Variants in PCDHGB3 observed in about 807,000 individuals in gnomAD.
The protein encoded by PCDHGB3 is protocadherin gamma subfamily B, 3.
Under a neutral mutation model 59.2 loss-of-function variants are expected in PCDHGB3, and 40 were observed. That is an observed-to-expected ratio of 0.68 (90% CI 0.52 to 0.88). PCDHGB3 has a LOEUF of 0.88. Ranked by LOEUF, PCDHGB3 falls within the 40% of genes least tolerant of loss-of-function variation. The pLI is 0.00. For synonymous variants in PCDHGB3, 581 were observed against 503.6 expected (o/e 1.15, Z -2.06); for missense variants, 1,309 against 1,187.9 (o/e 1.10, Z -1.50).
In PCDHGB3 at chr5:141,402,676, C is replaced by T. The variant is rs746643713; in HGVS notation, c.2415+29867C>T. 2.0e-5 allele frequency among the ~76,000 whole-genome samples: 3 copies of T among 152,282 alleles called. No homozygotes were observed. The East Asian group carries it at 5.8e-4, about 29-fold the overall frequency. ...GAGTAGTGTTTTCTTTATCAGCCAT[C>T]TGATATAATGTTACACATCAGTGGG... On this transcript the variant is annotated intron_variant, in intron 1 of 3. Transcript: ENST00000576222.
chr5:141,407,505 T>TTTTTTTTTTTTTTTTTGAGACGG (rs1460306566), intron 1 of PCDHGB3, among the ~76,000 whole-genome samples: 2 of 152,146 alleles, frequency 1.3e-5, no homozygotes, highest in African/African-American at 4.8e-5. Flanking sequence ...CTGTTTTTCT[T>TTTTTTTTTTTTTTTTTGAGACGG]AGGCTATGTA....
intron 1 of PCDHGB3, chr5:141,475,927 G>A: frequency 1.6e-6 from 1 of 628,480 alleles, no homozygotes; most frequent in South Asian, 2.1e-5. Flanking sequence ...CTGGAGATCG[G>A]GCCCCTGCCC....
chr5:141,503,713 C>T (rs867005984), intron 2 of PCDHGB3, among the ~76,000 whole-genome samples: 6 of 152,134 alleles, frequency 3.9e-5, no homozygotes, highest in Non-Finnish European at 8.8e-5. Context: ...TCCCCTTCAA[C>T]CCTAGCTTTA....
At chr5:141,423,067 G>C (rs757110751) in intron 1 of PCDHGB3, 36 of 1,614,024 alleles carry the variant, frequency 2.2e-5, no homozygotes, top group Non-Finnish European at 2.9e-5. Context: ...TAAGGCCAGC[G>C]AGCCGGGACT....
At chr5:141,396,944 G>A (rs983363091) in intron 1 of PCDHGB3, among the ~76,000 whole-genome samples, 1 of 152,166 alleles carries the variant, frequency 6.6e-6, no homozygotes, top group African/African-American at 2.4e-5. Context: ...GCCCTGGTAG[G>A]AAAGAAAATC....
chr5:141,492,072 C>G (rs2099736816), intron 1 of PCDHGB3: 2 of 480,040 alleles, frequency 4.2e-6, no homozygotes, highest in East Asian at 3.3e-5. Context: ...TCCTAGGCGC[C>G]GGCTCCGGCA....
intron 1 of PCDHGB3, chr5:141,419,210 G>A: frequency 6.2e-7 from 1 of 1,613,926 alleles, no homozygotes; most frequent in Non-Finnish European, 8.5e-7. Flanking sequence ...CAACGCGCCG[G>A]TTTTCGGACA....
intron 1 of PCDHGB3, among the ~76,000 whole-genome samples, chr5:141,462,218 C>T (rs2099034952): frequency 6.6e-6 from 1 of 152,180 alleles, no homozygotes; most frequent in African/African-American, 2.4e-5. Context: ...CCTCGGCCTC[C>T]CAAAGTGCAG....
At position 141,511,424 on chromosome 5, in the gene PCDHGB3, G is replaced by A. The variant is rs939906846; in HGVS notation, c.*251G>A. 10 of 810,392 alleles carry A rather than the reference G, an allele frequency of 1.2e-5. No homozygotes were observed. Among genetic ancestry groups the A allele is most frequent in the East Asian group, 3.0e-5 (1 of 33,800 alleles). The allele number at this position is 810,392 out of a possible 1,614,324, so 50.2% of individuals were successfully genotyped here. On this transcript the variant is annotated 3_prime_UTR_variant, in exon 4 of 4. Transcript: ENST00000576222. The stretch of plus-strand genomic sequence containing the variant: ...ATCAACTGCTGTACCCATGGGGGTA[G>A]TGGGGTTACTGTAGACACCAAGAAC...
intron 1 of PCDHGB3, among the ~76,000 whole-genome samples, chr5:141,462,086 A>G (rs993185274): frequency 6.6e-6 from 1 of 151,408 alleles, no homozygotes; most frequent in Non-Finnish European, 1.5e-5. Flanking sequence ...GCCTCCCAAA[A>G]TGCTGGGATT....
chr5:141,489,491 T>C lies in PCDHGB3; in HGVS notation c.2416-5316T>C. On this transcript the variant is annotated intron_variant, in intron 1 of 3. Transcript: ENST00000576222. This position sits in a 1 kb window ranked among gnomAD's most constrained non-coding sequence, Gnocchi z 4.5. ...TCCCTGAGCTTGATGAGTGGTGCCC[T>C]GGCAGTGAATCAAAAGATTGACCGA... The C allele has an allele frequency of 6.2e-7, 1 of 1,614,066 alleles. No individual in the cohort carries two copies. The highest frequency in any genetic ancestry group is 8.5e-7 in the Non-Finnish European group (1 of 1,180,024).
intron 1 of PCDHGB3, chr5:141,479,691 C>T (rs2099503603): frequency 6.6e-6 from 1 of 152,206 alleles, no homozygotes; most frequent in Non-Finnish European, 1.5e-5. Context: ...TTTGGTGCCT[C>T]CAGTGTTAGT....
intron 1 of PCDHGB3, among the ~76,000 whole-genome samples, chr5:141,381,853 G>A (rs1391897608): frequency 1.4e-5 from 1 of 72,944 alleles, no homozygotes; most frequent in Non-Finnish European, 2.5e-5. Flanking sequence ...TTTTTTGGCA[G>A]AGTTTTGCTC....
At chr5:141,410,413 T>C (rs1229133377) in intron 1 of PCDHGB3, 10 of 1,613,938 alleles carry the variant, frequency 6.2e-6, no homozygotes, top group Non-Finnish European at 8.5e-6. Context: ...AGTCTGGACC[T>C]GTAGTTCCCC....
At chr5:141,467,728 C>A (rs2099150053) in intron 1 of PCDHGB3, among the ~76,000 whole-genome samples, 1 of 152,058 alleles carries the variant, frequency 6.6e-6, no homozygotes, top group Admixed American at 6.5e-5. Context: ...GTGGCACAAT[C>A]CCAGCTCGCT....
At chr5:141,415,696 G>C (rs867312295) in intron 1 of PCDHGB3, 12 of 1,397,434 alleles carry the variant, frequency 8.6e-6, no homozygotes, top group Non-Finnish European at 1.1e-5. Flanking sequence ...GGTGGAAAGT[G>C]TAAATGCTAA....
chr5:141,490,317 C>A lies in PCDHGB3; in HGVS notation c.2416-4490C>A, dbSNP rs2233604. ...TATTGGCCTCTTTGGCCAACCCTGT[C>A]CTAGAGAGCACACCAGTGGGCACAG... On this transcript the variant is annotated intron_variant, in intron 1 of 3. Coordinates refer to ENST00000576222, the MANE Select transcript of PCDHGB3 (RefSeq NM_018924.5). The surrounding 1 kb of genome is among the most constrained non-coding windows in gnomAD (Gnocchi z 5.4). 32,069 of 1,614,158 alleles carry A rather than the reference C, an allele frequency of 0.02. 521 individuals carry two copies. Among genetic ancestry groups the A allele is most frequent in the African/African-American group, 0.081 (6,098 of 75,022 alleles).
intron 1 of PCDHGB3, among the ~76,000 whole-genome samples, chr5:141,438,629 TATATATAC>T (rs1474630940): frequency 0.043 from 2,039 of 47,824 alleles, 19 homozygotes; most frequent in South Asian, 0.061. Flanking sequence ...TATATATATA[TATATATAC>T]ACACACACAC....
chr5:141,461,438 T>C (rs1034260263), intron 1 of PCDHGB3, among the ~76,000 whole-genome samples: 3 of 152,200 alleles, frequency 2.0e-5, no homozygotes, highest in African/African-American at 7.2e-5. Flanking sequence ...GTATACCTTC[T>C]TTTGAGAAAT....
Sources: gnomAD v4.1 joint callset for allele counts (sites outside exome capture counted in the v4.1 genomes callset) on GRCh38, gnomAD v4.1.1 for gene constraint, Gnocchi (gnomAD v3.1) non-coding constraint, MANE v1.5 for transcripts, NCBI Gene and HGNC (gene_info 2026-07-23, HGNC 2026-07-21) for gene names.